The following DPH1 variants were observed in gnomAD, a reference collection of about 807,000 sequenced individuals.
The protein encoded by DPH1 is diphthamide biosynthesis 1.
DPH1 carries 59 observed loss-of-function variants against 55.3 expected under a neutral mutation model. The ratio of observed to expected loss-of-function variants is 1.07; its 90% CI spans 0.87 to 1.33. DPH1 has a LOEUF of 1.33. Ranked by LOEUF, DPH1 falls within the 40% of genes most tolerant of loss-of-function variation. The probability of loss-of-function intolerance (pLI) is 0.00; values close to 1 mark genes in which losing one functional copy is unlikely to be tolerated. For missense variants in DPH1, 628 were observed against 584.8 expected (o/e 1.07, Z -0.76); for synonymous variants, 238 against 235.5 (o/e 1.01, Z -0.10).
In DPH1 at chr17:2,040,625, T is replaced by C; in HGVS notation, c.1007+20T>C. The C allele has an allele frequency of 6.2e-7, 1 of 1,610,218 alleles. No individual in the cohort carries two copies. Among genetic ancestry groups the C allele is most frequent in the South Asian group, 1.1e-5 (1 of 91,002 alleles). On this transcript the variant is annotated intron_variant, in intron 9 of 12. Transcript: ENST00000263083. ...GGATGTGTGAGTATCTGCCTGGCTA[T>C]GACTGGCTAAAGAAGCTTAGAAGCT...
chr17:2,035,651 G>T (rs2067411682), intron 3 of DPH1, among the ~76,000 whole-genome samples: 1 of 152,142 alleles, frequency 6.6e-6, no homozygotes, highest in African/African-American at 2.4e-5. Context: ...CTCTGGGTGG[G>T]TGAGTCAGGG....
chr17:2,041,218 G>C (rs749208196), intron 10 of DPH1, 37 bp downstream of exon 10: 1 of 1,576,570 alleles, frequency 6.3e-7, no homozygotes. Flanking sequence ...GGCTTTGGAC[G>C]TGGTTCTCAA....
intron 1 of DPH1, among the ~76,000 whole-genome samples, chr17:2,031,040 A>G (rs1361548486): frequency 6.6e-6 from 1 of 152,220 alleles, no homozygotes; most frequent in African/African-American, 2.4e-5. Flanking sequence ...CACAGTCTCA[A>G]TACATATTCG....
Position 2,036,879 on chromosome 17 carries a change from A to G in DPH1, c.603A>G (p.Pro201=). The G allele has an allele frequency of 1.2e-6, 2 of 1,613,798 alleles. No homozygotes were observed. Among genetic ancestry groups the G allele is most frequent in the African/African-American group, 1.3e-5 (1 of 75,034 alleles). ...ELKAEYRVSV[P]QCKPLSPGEI... Reference sequence around the variant, plus strand: ...AAGCCGAGTATCGTGTGAGTGTCCCACAGTGCAAGCCCCTGTCCCCTGGAG... The same window carrying G: ...AAGCCGAGTATCGTGTGAGTGTCCCGCAGTGCAAGCCCCTGTCCCCTGGAG... Residue 201 remains proline, a synonymous_variant, in exon 6 of 13, where the codon CCA becomes CCG. Coordinates refer to ENST00000263083, the MANE Select transcript of DPH1 (RefSeq NM_001383.6). The surrounding 1 kb of genome is among the most constrained non-coding windows in gnomAD (Gnocchi z 4.8).
intron 12 of DPH1, 67 bp from the exon 13 acceptor site, chr17:2,042,534 CCTTT>C: frequency 6.7e-7 from 1 of 1,483,080 alleles, no homozygotes; most frequent in African/African-American, 1.4e-5. Context: ...ACCCTCCTGC[CCTTT>C]CTCATTTCTT....
intron 12 of DPH1, 88 bp from the exon 13 acceptor site, chr17:2,042,517 A>G (rs1419632120): frequency 6.9e-7 from 1 of 1,442,398 alleles, no homozygotes; most frequent in South Asian, 1.7e-5. Context: ...TCTCTCTGTC[A>G]TCTCGAACCC....
intron 12 of DPH1, 105 bp from the exon 13 acceptor site, chr17:2,042,500 C>G (rs575217612): frequency 1.4e-6 from 2 of 1,436,292 alleles, no homozygotes; most frequent in South Asian, 1.6e-5. Context: ...TGCCTCGATT[C>G]CCTTTTTCTC....
intron 1 of DPH1, among the ~76,000 whole-genome samples, chr17:2,032,689 C>A (rs1274351860): frequency 6.6e-6 from 1 of 152,192 alleles, no homozygotes; most frequent in Admixed American, 6.5e-5. Flanking sequence ...GACTGGGCAG[C>A]TAAAGCTTAA....
Position 2,043,223 on chromosome 17 carries a change from G to C in DPH1, c.*637G>C. 1.6e-6 allele frequency: 2 copies of C among 1,257,740 alleles called. No individual in the cohort carries two copies. The highest frequency in any genetic ancestry group is 1.1e-6 in the Non-Finnish European group (1 of 911,732). 77.9% of individuals were successfully genotyped at this position (1,257,740 alleles called of 1,614,324 possible). A position where few individuals can be genotyped will look rare whatever the true frequency, so the allele number is the denominator to read the frequency against. On this transcript the variant is annotated 3_prime_UTR_variant, in exon 13 of 13. Transcript: ENST00000263083. ...AGTGCGCCTCACCAGAACCAGTTAA[G>C]AGACAACTATCAATTCTTGAGACCC...
At chr17:2,040,659 C>T (rs1027127820) in intron 9 of DPH1, 54 bp downstream of exon 9, 3 of 1,583,014 alleles carry the variant, frequency 1.9e-6, no homozygotes, top group African/African-American at 2.7e-5. Context: ...CTGGGTCTTG[C>T]CCAGCTCGTC....
At position 2,042,325 on chromosome 17, in the gene DPH1, C is replaced by T. The variant is rs1038394038; in HGVS notation, c.*19-280C>T. ...TCAGCATCCCCCACCCTGCGTCCACCCGCATTCCTCCCACCCAGTCCACAC... is the reference window on the plus strand; with the variant it reads ...TCAGCATCCCCCACCCTGCGTCCACTCGCATTCCTCCCACCCAGTCCACAC... On this transcript the variant is annotated intron_variant, in intron 12 of 12. Coordinates refer to ENST00000263083, the MANE Select transcript of DPH1 (RefSeq NM_001383.6). 5.8e-6 allele frequency: 8 copies of T among 1,382,942 alleles called. No individual in the cohort carries two copies. The African/African-American group carries it at 1.2e-4, about 21-fold the overall frequency. The allele number at this position is 1,382,942 out of a possible 1,614,324, so 85.7% of individuals were successfully genotyped here. A position where few individuals can be genotyped will look rare whatever the true frequency, so the allele number is the denominator to read the frequency against.
In DPH1 at chr17:2,041,571, C is replaced by T. The variant is rs768803619; in HGVS notation, c.1177C>T (p.His393Tyr). 2 of 1,611,320 alleles carry T rather than the reference C, an allele frequency of 1.2e-6. No homozygotes were observed. Among genetic ancestry groups the T allele is most frequent in the Non-Finnish European group, 1.7e-6 (2 of 1,179,060 alleles). The change falls in exon 11 of 13, where the codon CAC becomes TAC. Residue 393 changes from histidine to tyrosine, a missense_variant. Coordinates refer to ENST00000263083, the MANE Select transcript of DPH1 (RefSeq NM_001383.6). ...GSSLGPWTVN[H>Y]GQDRRPHAPG... ...CTCCTTGGGGCCCTGGACGGTGAAC[C>T]ACGGCCAGGACCGCCGTCCCCACGC...
Position 2,030,216 on chromosome 17 carries a change from A to G in DPH1, c.47A>G (p.Asp16Gly). Residue 16 changes from aspartate to glycine, a missense_variant, in exon 1 of 13, where the codon GAC (aspartate) becomes GGC (glycine). Asp to Gly is a moderately conservative substitution (Grantham distance 94). Transcript: ENST00000263083. ...GGGGCAGCGGAGCAGGGCGGCCGAG[A>G]CGGCCCTGGCAGAGGTGGGTGCTGG... Reference protein sequence around the residue: ...VSGAAEQGGRDGPGRGRAPRG... With the variant: ...VSGAAEQGGRGGPGRGRAPRG... 1.3e-6 allele frequency: 2 copies of G among 1,591,996 alleles called. No individual in the cohort carries two copies. Among genetic ancestry groups the G allele is most frequent in the East Asian group, 2.3e-5 (1 of 44,144 alleles).
chr17:2,033,496 C>A lies in DPH1; in HGVS notation c.62-9C>A. The A allele has an allele frequency of 1.2e-6, 2 of 1,613,944 alleles. No homozygotes were observed. Among genetic ancestry groups the A allele is most frequent in the South Asian group, 2.2e-5 (2 of 91,086 alleles). On this transcript the variant is annotated splice_polypyrimidine_tract_variant and intron_variant, in intron 1 of 12. Transcript: ENST00000263083. ...ACAGACACCAACTCAGGCCTTATAT[C>A]CATTCTAGGTCGGGCCCCTCGGGGC...
At chr17:2,040,638 A>C (rs753270530) in intron 9 of DPH1, 33 bp downstream of exon 9, 32 of 1,606,984 alleles carry the variant, frequency 2.0e-5, no homozygotes, top group Middle Eastern at 1.6e-4. Flanking sequence ...CTGGCTAAAG[A>C]AGCTTAGAAG....
chr17:2,042,203 G>C, intron 12 of DPH1: 2 of 1,431,968 alleles, frequency 1.4e-6, no homozygotes, highest in Non-Finnish European at 1.8e-6. Context: ...CCGACCCCCC[G>C]GGCCCCGAGG....
At chr17:2,042,533 C>T in intron 12 of DPH1, 72 bp from the exon 13 acceptor site, 2 of 1,482,994 alleles carry the variant, frequency 1.3e-6, no homozygotes, top group Non-Finnish European at 1.8e-6. Flanking sequence ...AACCCTCCTG[C>T]CCTTTCTCAT....
intron 1 of DPH1, among the ~76,000 whole-genome samples, chr17:2,033,150 A>G (rs1168398554): frequency 2.6e-5 from 4 of 152,166 alleles, no homozygotes; most frequent in African/African-American, 9.7e-5. Flanking sequence ...CTTACATGAC[A>G]GCAATTAGTT....
chr17:2,033,669 A>G lies in DPH1; in HGVS notation c.214+12A>G. ...CCAGGCCAAGAAGGGTGAGCCTGTG[A>G]TCATTGAGCTGGGGTTGGGGTGGAG... On this transcript the variant is annotated intron_variant, in intron 2 of 12. Transcript: ENST00000263083. The G allele has an allele frequency of 6.2e-7, 1 of 1,613,838 alleles. No individual in the cohort carries two copies. Among genetic ancestry groups the G allele is most frequent in the Non-Finnish European group, 8.5e-7 (1 of 1,179,762 alleles).
Sources: gnomAD v4.1 joint callset for allele counts (sites outside exome capture counted in the v4.1 genomes callset) on GRCh38, gnomAD v4.1.1 for gene constraint, Gnocchi (gnomAD v3.1) non-coding constraint, MANE v1.5 for transcripts, NCBI Gene and HGNC (gene_info 2026-07-23, HGNC 2026-07-21) for gene names.